Variants in RHBDF2 observed in about 807,000 individuals in gnomAD.
RHBDF2 encodes rhomboid 5 homolog 2.
Under a neutral mutation model 95.2 loss-of-function variants are expected in RHBDF2, and 38 were observed. That is an observed-to-expected ratio of 0.40 (90% CI 0.31 to 0.52). RHBDF2 has a LOEUF of 0.52. RHBDF2 is among the 20% of genes least tolerant of loss of function. The pLI is 0.56. For missense variants in RHBDF2, 863 were observed against 1,137.7 expected (o/e 0.76, Z 3.47); for synonymous variants, 442 against 462.0 (o/e 0.96, Z 0.55).
chr17:76,472,969 AG>A, intron 17 of RHBDF2, 35 bp downstream of exon 17: 1 of 1,607,196 alleles, frequency 6.2e-7, no homozygotes, highest in Non-Finnish European at 8.5e-7. Context: ...TGGCCATCAC[AG>A]GGGTCGGGTT....
chr17:76,477,822 G>T, intron 6 of RHBDF2, 37 bp from the exon 7 acceptor site: 1 of 1,599,282 alleles, frequency 6.3e-7, no homozygotes. Context: ...CAGGACCACA[G>T]CCTGGCCACC....
chr17:76,486,952 C>CTTTTTT (rs34202592), intron 2 of RHBDF2, among the ~76,000 whole-genome samples: 10 of 72,624 alleles, frequency 1.4e-4, no homozygotes, highest in Non-Finnish European at 2.0e-4. Context: ...CGCTTCCTGC[C>CTTTTTT]TTTTTTTTTT....
intron 1 of RHBDF2, among the ~76,000 whole-genome samples, chr17:76,494,578 C>A (rs1336057809): frequency 6.6e-6 from 1 of 152,148 alleles, no homozygotes; most frequent in Non-Finnish European, 1.5e-5. Context: ...ATGGTGAAAC[C>A]CCATCTCTAC....
Position 76,474,145 on chromosome 17 carries a change from G to A in RHBDF2, c.1465-3C>T. On this transcript the variant is annotated splice_region_variant and splice_polypyrimidine_tract_variant and intron_variant, in intron 12 of 18. Transcript: ENST00000675367. ...TTGACAAAAGTGGCCAAAGTCTCCT[G>A]GAGGGCAGAAGAAGGCTGGTGGGTC... 7 of 1,569,970 alleles carry A rather than the reference G, an allele frequency of 4.5e-6. No homozygotes were observed. The highest frequency in any genetic ancestry group is 6.0e-6 in the Non-Finnish European group (7 of 1,160,220).
rs370053859 is a variant in RHBDF2 at position 76,500,083 on chromosome 17, C to A, written c.-220+1270G>T. On this transcript the variant is annotated intron_variant, in intron 1 of 18. Transcript: ENST00000675367. Reference sequence around the variant, plus strand: ...ATTCCAAGTTCCTCCCCTAACCACTCTGGAAAACTGAGGTAGTTTCCCCAG... The same window carrying A: ...ATTCCAAGTTCCTCCCCTAACCACTATGGAAAACTGAGGTAGTTTCCCCAG... Among the ~76,000 whole-genome samples, 34 of 152,308 alleles carry A rather than the reference C, an allele frequency of 2.2e-4. No homozygotes were observed. The South Asian group carries it at 6.8e-3, about 31-fold the overall frequency.
chr17:76,486,952 C>CTTTTTTTTTTT (rs34202592), intron 2 of RHBDF2, among the ~76,000 whole-genome samples: 1 of 72,598 alleles, frequency 1.4e-5, no homozygotes. Context: ...CGCTTCCTGC[C>CTTTTTTTTTTT]TTTTTTTTTT....
At chr17:76,498,854 GTC>G (rs1243054074) in intron 1 of RHBDF2, among the ~76,000 whole-genome samples, 4 of 150,770 alleles carry the variant, frequency 2.7e-5, no homozygotes, top group African/African-American at 4.9e-5. Flanking sequence ...GTTTGTGTGT[GTC>G]TCTGTGTGTC....
At chr17:76,490,977 C>T (rs2074283123) in intron 1 of RHBDF2, among the ~76,000 whole-genome samples, 2 of 152,170 alleles carry the variant, frequency 1.3e-5, no homozygotes, top group Admixed American at 1.3e-4. Context: ...TCATCAATGG[C>T]TAACTGAATG....
intron 2 of RHBDF2, 118 bp from the exon 3 acceptor site, chr17:76,481,663 A>C: frequency 2.1e-5 from 20 of 932,840 alleles, no homozygotes; most frequent in Non-Finnish European, 3.0e-5. Context: ...TGGTTCAAAC[A>C]TCTCTGGGCG....
chr17:76,500,668 G>A (rs1046205408), intron 1 of RHBDF2, among the ~76,000 whole-genome samples: 1 of 152,162 alleles, frequency 6.6e-6, no homozygotes, highest in Non-Finnish European at 1.5e-5. Flanking sequence ...GCGCCCTGGC[G>A]TGGGAGTGGG....
At position 76,477,760 on chromosome 17, in the gene RHBDF2, C is replaced by G; in HGVS notation, c.698G>C (p.Gly233Ala). The G allele has an allele frequency of 6.2e-7, 1 of 1,612,880 alleles. No homozygotes were observed. The highest frequency in any genetic ancestry group is 8.5e-7 in the Non-Finnish European group (1 of 1,179,990). Residue 233 changes from glycine (G) to alanine (A), a missense_variant, in exon 7 of 19, where the codon GGA (glycine) becomes GCA (alanine). Physicochemically the swap from Gly to Ala is moderately conservative, Grantham distance 60 (BLOSUM62 0). Around this residue, in one of 2 missense-constraint regions of RHBDF2, gnomAD observed 611 missense variants for 725.5 expected, o/e 0.84. Transcript: ENST00000675367. ...GCGCTTGACCACCCGGCACCGCTGTCCGGTGGCATCCAGCACCGAGCGCCC... is the reference window on the plus strand; with the variant it reads ...GCGCTTGACCACCCGGCACCGCTGTGCGGTGGCATCCAGCACCGAGCGCCC... ...LKGRSVLDAT[G>A]QRCRVVKRSF... is the part of the protein sequence containing the mutation.
chr17:76,479,176 A>G lies in RHBDF2; in HGVS notation c.374T>C (p.Leu125Pro). ...CAGGTCACGCTGGCACGAGGCCTTC[A>G]GGCGGCCGTAGCGCATGCTGCAGTG... is the stretch of plus-strand genomic sequence containing the variant. ...LHHCSMRYGR[L>P]KASCQRDLEL... The change falls in exon 5 of 19, where the codon CTG becomes CCG. Residue 125 changes from leucine (L) to proline (P), a missense_variant. Leu to Pro is a moderately conservative substitution (Grantham distance 98). Around this residue, in one of 2 missense-constraint regions of RHBDF2, gnomAD observed 611 missense variants for 725.5 expected, o/e 0.84. Transcript: ENST00000675367. The G allele has an allele frequency of 6.2e-7, 1 of 1,612,290 alleles. No homozygotes were observed. The highest frequency in any genetic ancestry group is 8.5e-7 in the Non-Finnish European group (1 of 1,179,506).
At chr17:76,492,599 G>C (rs934240013) in intron 1 of RHBDF2, among the ~76,000 whole-genome samples, 7 of 152,148 alleles carry the variant, frequency 4.6e-5, no homozygotes, top group Admixed American at 4.6e-4. Flanking sequence ...CCAGCCCACT[G>C]CCCCTCCCAA....
Position 76,476,754 on chromosome 17 carries a change from A to AGG in RHBDF2, c.1115+74_1115+75dup, listed in dbSNP as rs1459348583. ...TCATGAAACACTTGCTGAATGAGTAAGGGGGCGCTTCAGGAGGGCCCAGAG... is the reference window on the plus strand; with the variant it reads ...TCATGAAACACTTGCTGAATGAGTAAGGGGGGGCGCTTCAGGAGGGCCCAGAG... On this transcript the variant is annotated intron_variant, in intron 9 of 18. Coordinates refer to ENST00000675367, the MANE Select transcript of RHBDF2 (RefSeq NM_001005498.4). The AGG allele has an allele frequency of 4.7e-6, 7 of 1,478,064 alleles. No individual in the cohort carries two copies. The African/African-American group carries it at 9.8e-5, about 21-fold the overall frequency. The allele number at this position is 1,478,064 out of a possible 1,614,324, so 91.6% of individuals were successfully genotyped here.
chr17:76,500,299 C>T (rs191806888), intron 1 of RHBDF2, among the ~76,000 whole-genome samples: 31 of 152,270 alleles, frequency 2.0e-4, no homozygotes, highest in African/African-American at 6.7e-4. Flanking sequence ...ACTTCCCCTC[C>T]CAAGTGTGTG....
intron 1 of RHBDF2, among the ~76,000 whole-genome samples, chr17:76,498,284 T>C (rs1311806186): frequency 2.6e-5 from 4 of 152,116 alleles, no homozygotes; most frequent in South Asian, 4.1e-4. Context: ...GATAGGAAAC[T>C]GGGAGCCGCT....
chr17:76,473,612 A>G (rs767104777), intron 15 of RHBDF2, 36 bp downstream of exon 15: 1 of 1,538,864 alleles, frequency 6.5e-7, no homozygotes, highest in Non-Finnish European at 8.8e-7. Flanking sequence ...TCGGGGGGGC[A>G]GTGGGATGGC....
rs754079094 is a variant in RHBDF2, at chr17:76,478,994, C to A, written c.484G>T (p.Ala162Ser). The A allele has an allele frequency of 7.5e-6, 12 of 1,597,400 alleles. No homozygotes were observed. The highest frequency in any genetic ancestry group is 1.0e-5 in the Non-Finnish European group (12 of 1,170,042). Residue 162 changes from alanine to serine, a missense_variant, in exon 6 of 19, where the codon GCC becomes TCC. Around this residue, in one of 2 missense-constraint regions of RHBDF2, gnomAD observed 611 missense variants for 725.5 expected, o/e 0.84. Coordinates refer to ENST00000675367, the MANE Select transcript of RHBDF2 (RefSeq NM_001005498.4). ...GGGTGGCGGAAGGCCCGGCCCCGGG[C>A]CAGCGGATCCACAATCTGGAAGGGA... ...CKMPKIVDPLARGRAFRHPEE... is the reference protein window; with the variant it reads ...CKMPKIVDPLSRGRAFRHPEE...
At chr17:76,484,900 A>G (rs1233246769) in intron 2 of RHBDF2, among the ~76,000 whole-genome samples, 1 of 152,128 alleles carries the variant, frequency 6.6e-6, no homozygotes, top group Non-Finnish European at 1.5e-5. Context: ...TCACCTGACA[A>G]CTCATCACCC....
Sources: allele counts gnomAD v4.1 joint callset (sites outside exome capture counted in the v4.1 genomes callset), GRCh38; gene constraint gnomAD v4.1.1; regional missense constraint gnomAD v4.1.1; transcripts MANE v1.5; gene names NCBI Gene and HGNC (gene_info 2026-07-23, HGNC 2026-07-21).